Variants in PDE4D observed in about 807,000 individuals in gnomAD.
PDE4D encodes 3',5'-cyclic-AMP phosphodiesterase 4D.
Under a neutral mutation model 87.4 loss-of-function variants are expected in PDE4D, and 24 were observed. The observed-to-expected ratio is 0.27, with a 90% CI of 0.20 to 0.39. The LOEUF (loss-of-function observed/expected upper bound fraction) is 0.39. Among genes scored for constraint, PDE4D ranks in the 10% least tolerant of loss-of-function variants. The pLI is 1.00. For synonymous variants in PDE4D, 384 were observed against 383.2 expected, an observed-to-expected ratio of 1.00 and a Z score of -0.02; for missense variants, 714 against 1,041.0, an observed-to-expected ratio of 0.69 and a Z score of 4.32.
At chr5:59,473,349 C>T (rs1052148845) in intron 1 of PDE4D, among the ~76,000 whole-genome samples, 9 of 151,978 alleles carry the variant, frequency 5.9e-5, no homozygotes, top group African/African-American at 2.2e-4. Flanking sequence ...CACATTATTA[C>T]AATAATGTTT....
At chr5:59,983,554 T>C (rs1340142780) in intron 3 of PDE4D, among the ~76,000 whole-genome samples, 2 of 152,168 alleles carry the variant, frequency 1.3e-5, no homozygotes, top group Non-Finnish European at 2.9e-5. Context: ...AATGTCTGAA[T>C]GGTCATAACA....
chr5:59,478,952 A>C (rs1347243055), intron 1 of PDE4D, among the ~76,000 whole-genome samples: 1 of 152,112 alleles, frequency 6.6e-6, no homozygotes, highest in Non-Finnish European at 1.5e-5. Flanking sequence ...TTAAAATTTG[A>C]GGTTCAATGA....
At chr5:60,086,131 A>G (rs1261537601) in intron 2 of PDE4D, among the ~76,000 whole-genome samples, 1 of 152,232 alleles carries the variant, frequency 6.6e-6, no homozygotes, top group African/African-American at 2.4e-5. Flanking sequence ...TTAAATCTCA[A>G]CTAGAAAAAA....
At chr5:59,393,099 T>C (rs188190532) in intron 1 of PDE4D, among the ~76,000 whole-genome samples, 2 of 152,140 alleles carry the variant, frequency 1.3e-5, no homozygotes, top group Non-Finnish European at 2.9e-5. Context: ...AGGAAAATGT[T>C]AATTTCTGAT....
At chr5:59,831,342 A>C (rs1027680291) in intron 1 of PDE4D, among the ~76,000 whole-genome samples, 23 of 151,578 alleles carry the variant, frequency 1.5e-4, no homozygotes, top group Non-Finnish European at 3.1e-4. Context: ...AAAAAAAAAA[A>C]AAAAACCGGG....
In PDE4D at chr5:59,300,809, C is replaced by T. The variant is rs2153560146; in HGVS notation, c.456-84841G>A. 2.0e-5 allele frequency among the ~76,000 whole-genome samples: 3 copies of T among 152,288 alleles called. No individual in the cohort carries two copies. In the Middle Eastern group the frequency reaches 0.01, roughly 518 times the overall value. ...TTCCCAAGACTGCCCCCCACCACAC[C>T]AGTCACAAGTGTGGGCCTCTGGAGC... On this transcript the variant is annotated intron_variant, in intron 1 of 14. Transcript: ENST00000340635.
chr5:59,236,932 C>T (rs1420297274), intron 1 of PDE4D, among the ~76,000 whole-genome samples: 1 of 152,114 alleles, frequency 6.6e-6, no homozygotes. Context: ...ACTACTTTTG[C>T]CTATAAAAGT....
chr5:60,236,041 A>G (rs1310494413), intron 1 of PDE4D, among the ~76,000 whole-genome samples: 1 of 151,934 alleles, frequency 6.6e-6, no homozygotes, highest in Non-Finnish European at 1.5e-5. Context: ...AGACATTCAC[A>G]GACAAATTAA....
chr5:59,541,296 A>C (rs935364897), intron 1 of PDE4D, among the ~76,000 whole-genome samples: 1 of 152,212 alleles, frequency 6.6e-6, no homozygotes, highest in Non-Finnish European at 1.5e-5. Flanking sequence ...ATAAAGTGTA[A>C]CATGACACCA....
At chr5:60,043,189 G>A (rs1582329073) in intron 2 of PDE4D, among the ~76,000 whole-genome samples, 1 of 151,564 alleles carries the variant, frequency 6.6e-6, no homozygotes, top group East Asian at 2.0e-4. Flanking sequence ...GCAGAAGAAA[G>A]GATATCAGAG....
At chr5:60,147,011 G>T (rs1781061582) in intron 2 of PDE4D, among the ~76,000 whole-genome samples, 1 of 152,158 alleles carries the variant, frequency 6.6e-6, no homozygotes. Flanking sequence ...CTTGTACCCT[G>T]TTGGTGGGAG....
At chr5:59,613,551 CTT>C (rs1829268075) in intron 1 of PDE4D, among the ~76,000 whole-genome samples, 1 of 152,070 alleles carries the variant, frequency 6.6e-6, no homozygotes, top group Non-Finnish European at 1.5e-5. Flanking sequence ...CATGCTAAGA[CTT>C]TGGAAAGCTG....
intron 1 of PDE4D, among the ~76,000 whole-genome samples, chr5:59,242,615 G>T (rs1266553367): frequency 1.3e-5 from 2 of 152,084 alleles, no homozygotes; most frequent in Non-Finnish European, 2.9e-5. Context: ...TCCAATGCAG[G>T]AATAATGATA....
intron 6 of PDE4D, among the ~76,000 whole-genome samples, chr5:59,008,813 C>T (rs2153362795): frequency 6.6e-6 from 1 of 151,932 alleles, no homozygotes; most frequent in East Asian, 1.9e-4. Flanking sequence ...GGAATATGTA[C>T]AAAATGCATA....
At chr5:60,454,510 G>A (rs1746325461) in intron 1 of PDE4D, among the ~76,000 whole-genome samples, 1 of 152,162 alleles carries the variant, frequency 6.6e-6, no homozygotes, top group African/African-American at 2.4e-5. Context: ...GGACATGGAT[G>A]AAGCCAGAAG....
intron 2 of PDE4D, among the ~76,000 whole-genome samples, chr5:60,077,902 C>G (rs537571142): frequency 6.6e-6 from 1 of 152,140 alleles, no homozygotes; most frequent in Non-Finnish European, 1.5e-5. Context: ...TTCTTGGGGA[C>G]CAGGAACCGG....
chr5:59,286,582 T>C (rs1490377063), intron 1 of PDE4D, among the ~76,000 whole-genome samples: 1 of 152,180 alleles, frequency 6.6e-6, no homozygotes, highest in Non-Finnish European at 1.5e-5. Flanking sequence ...ATTGAAATCA[T>C]TAAAAGTTAG....
At chr5:60,138,633 T>C (rs13175365) in intron 2 of PDE4D, among the ~76,000 whole-genome samples, 22,253 of 152,060 alleles carry the variant, frequency 0.15, 1,685 homozygotes, top group South Asian at 0.22. Context: ...TTGAATTATA[T>C]ACGTTCTCAC....
chr5:60,296,006 C>T (rs931410023), intron 1 of PDE4D, among the ~76,000 whole-genome samples: 2 of 152,192 alleles, frequency 1.3e-5, no homozygotes, highest in Non-Finnish European at 2.9e-5. Context: ...GGCACCTTCT[C>T]ACGGTGTCCT....
Sources: gnomAD v4.1 joint callset for allele counts (sites outside exome capture counted in the v4.1 genomes callset) on GRCh38, gnomAD v4.1.1 for gene constraint, MANE v1.5 for transcripts, NCBI Gene and HGNC (gene_info 2026-07-23, HGNC 2026-07-21) for gene names.